Variants in CNTLN observed in about 807,000 individuals in gnomAD.
CNTLN encodes centlein, also known as centlein, centrosomal protein.
In CNTLN, 212 loss-of-function variants were observed where a neutral mutation model predicts 180.0. The observed-to-expected ratio is 1.18, with a 90% CI of 1.05 to 1.32. The LOEUF (loss-of-function observed/expected upper bound fraction) is 1.32. Among genes scored for constraint, CNTLN ranks in the 40% most tolerant of loss-of-function variants. The probability of loss-of-function intolerance (pLI) is 0.00; values close to 1 mark genes in which losing one functional copy is unlikely to be tolerated. For synonymous variants in CNTLN, 722 were observed against 563.1 expected, an observed-to-expected ratio of 1.28 and a Z score of -3.99; for missense variants, 2,095 against 1,610.9, an observed-to-expected ratio of 1.30 and a Z score of -5.14.
intron 6 of CNTLN, among the ~76,000 whole-genome samples, chr9:17,290,992 G>T (rs926225177): frequency 6.6e-6 from 1 of 152,128 alleles, no homozygotes; most frequent in African/African-American, 2.4e-5. Flanking sequence ...GCTGGGAGCT[G>T]TAGACCGGAG....
At chr9:17,457,367 G>A (rs1831189672) in intron 18 of CNTLN, among the ~76,000 whole-genome samples, 157 bp from the exon 19 acceptor site, 1 of 152,032 alleles carries the variant, frequency 6.6e-6, no homozygotes, top group Non-Finnish European at 1.5e-5. Flanking sequence ...AAATCTAGTA[G>A]AGGTTAAGAT....
At chr9:17,206,788 C>T (rs537080563) in intron 2 of CNTLN, among the ~76,000 whole-genome samples, 23 of 152,312 alleles carry the variant, frequency 1.5e-4, no homozygotes, top group African/African-American at 2.2e-4. Flanking sequence ...AGTGTTGTTT[C>T]GGAGAAATCT....
At chr9:17,224,409 A>T (rs1014643333) in intron 2 of CNTLN, among the ~76,000 whole-genome samples, 1 of 151,928 alleles carries the variant, frequency 6.6e-6, no homozygotes, top group African/African-American at 2.4e-5. Flanking sequence ...ACTTTATTTA[A>T]TTCTAAAATA....
intron 23 of CNTLN, among the ~76,000 whole-genome samples, chr9:17,475,965 A>G (rs1832317728): frequency 6.6e-6 from 1 of 151,376 alleles, no homozygotes; most frequent in African/African-American, 2.4e-5. Context: ...CTTTTCTCAG[A>G]TGCTGTGTTT....
chr9:17,479,883 T>A (rs1321425433), intron 23 of CNTLN, among the ~76,000 whole-genome samples: 1 of 152,228 alleles, frequency 6.6e-6, no homozygotes, highest in East Asian at 1.9e-4. Context: ...AAGATGCACT[T>A]AAAATATAGT....
At chr9:17,357,034 C>T (rs942448688) in intron 12 of CNTLN, among the ~76,000 whole-genome samples, 5 of 151,992 alleles carry the variant, frequency 3.3e-5, no homozygotes, top group African/African-American at 1.2e-4. Flanking sequence ...TTCTCACAGC[C>T]CCTGTCTCTT....
At chr9:17,260,574 A>G (rs1826886462) in intron 5 of CNTLN, among the ~76,000 whole-genome samples, 4 of 151,358 alleles carry the variant, frequency 2.6e-5, no homozygotes, top group Admixed American at 1.3e-4. Context: ...TGGATGTTAG[A>G]ACCCTGTTAG....
At chr9:17,498,901 G>A (rs1833595412) in intron 25 of CNTLN, among the ~76,000 whole-genome samples, 1 of 152,130 alleles carries the variant, frequency 6.6e-6, no homozygotes, top group South Asian at 2.1e-4. Context: ...ATTAGTAAAA[G>A]GGCAGCTATG....
chr9:17,331,457 A>T (rs1181328750), intron 9 of CNTLN, among the ~76,000 whole-genome samples: 2 of 151,956 alleles, frequency 1.3e-5, no homozygotes, highest in African/African-American at 4.8e-5. Flanking sequence ...CATGTAGTAC[A>T]TACATTATTT....
At chr9:17,158,258 G>A (rs1176956127) in intron 2 of CNTLN, among the ~76,000 whole-genome samples, 1 of 152,018 alleles carries the variant, frequency 6.6e-6, no homozygotes, top group African/African-American at 2.4e-5. Flanking sequence ...CTTGGTCATG[G>A]TATATAATTT....
intron 2 of CNTLN, among the ~76,000 whole-genome samples, chr9:17,210,466 A>T (rs201590672): frequency 7.4e-4 from 113 of 152,296 alleles, no homozygotes; most frequent in African/African-American, 2.6e-3. Flanking sequence ...TCTATCATTG[A>T]TGGACATTAG....
At chr9:17,152,145 T>C (rs2774628) in intron 2 of CNTLN, among the ~76,000 whole-genome samples, 20,608 of 152,158 alleles carry the variant, frequency 0.14, 1,537 homozygotes, top group African/African-American at 0.2. Flanking sequence ...AAGGGTTTTT[T>C]GTGTCTCTAT....
At position 17,370,812 on chromosome 9, in the gene CNTLN, A is replaced by G. The variant is rs963888784; in HGVS notation, c.1987+4095A>G. On this transcript the variant is annotated intron_variant, in intron 13 of 25. Coordinates refer to ENST00000380647, the MANE Select transcript of CNTLN (RefSeq NM_017738.4). The stretch of plus-strand genomic sequence containing the variant: ...AAAACAGGCTGGACAAAGTTAAATA[A>G]TTTTTATCAGTTTTGTTTTTGCTTG... Among the ~76,000 whole-genome samples, 10 of 152,208 alleles carry G rather than the reference A, an allele frequency of 6.6e-5. 1 individual carries two copies. The highest frequency in any genetic ancestry group is 2.4e-4 in the African/African-American group (10 of 41,564).
intron 2 of CNTLN, among the ~76,000 whole-genome samples, chr9:17,172,794 A>C (rs906298639): frequency 5.1e-4 from 77 of 152,318 alleles, no homozygotes; most frequent in African/African-American, 1.6e-3. Flanking sequence ...TGCTAAGTCT[A>C]CTTATAAGTG....
chr9:17,381,208 T>C (rs981706983), intron 13 of CNTLN, among the ~76,000 whole-genome samples: 31 of 152,238 alleles, frequency 2.0e-4, no homozygotes, highest in African/African-American at 6.0e-4. Context: ...ATCTGAGATT[T>C]GGCCTTTATG....
rs1337283279 is a variant in CNTLN at position 17,415,980 on chromosome 9, T to C, written c.2905T>C (p.Tyr969His). Reference sequence around the variant, plus strand: ...TTTTTATGTAGTCAACAGAGAAAAGTACAAAAATATAACTGCCCAGAAATC... The same window carrying C: ...TTTTTATGTAGTCAACAGAGAAAAGCACAAAAATATAACTGCCCAGAAATC... The part of the protein sequence containing the change: ...AVPTRVNREK[Y>H]KNITAQKSSS... The change falls in exon 18 of 26, where the codon TAC (tyrosine) becomes CAC (histidine). Residue 969 changes from tyrosine (Y) to histidine (H), a missense_variant. Physicochemically the swap from Tyr to His is moderately conservative, Grantham distance 83. Transcript: ENST00000380647. 7 of 1,608,316 alleles carry C rather than the reference T, an allele frequency of 4.4e-6. No homozygotes were observed. The South Asian group carries it at 4.5e-5, about 10-fold the overall frequency.
intron 2 of CNTLN, among the ~76,000 whole-genome samples, chr9:17,193,454 G>C (rs965245459): frequency 2.0e-5 from 3 of 152,048 alleles, no homozygotes. Flanking sequence ...CAAAACAAAG[G>C]GGTTACAGGG....
intron 8 of CNTLN, among the ~76,000 whole-genome samples, chr9:17,320,983 G>A (rs985028629): frequency 6.6e-6 from 1 of 152,078 alleles, no homozygotes; most frequent in East Asian, 1.9e-4. Context: ...CCCACATTTT[G>A]TATTCTTGCA....
intron 5 of CNTLN, among the ~76,000 whole-genome samples, chr9:17,259,800 T>A (rs913316294): frequency 1.4e-5 from 2 of 145,536 alleles, no homozygotes; most frequent in East Asian, 4.1e-4. Context: ...TAATTTATAT[T>A]TCTGTGGGAT....
Sources: gnomAD v4.1 joint callset for allele counts (sites outside exome capture counted in the v4.1 genomes callset) on GRCh38, gnomAD v4.1.1 for gene constraint, MANE v1.5 for transcripts, NCBI Gene and HGNC (gene_info 2026-07-23, HGNC 2026-07-21) for gene names.